Variants in COL26A1 observed in about 807,000 individuals in gnomAD.
COL26A1 encodes the protein collagen type XXVI alpha 1 chain, also known as collagen alpha-1(XXVI) chain.
COL26A1 carries 41 observed loss-of-function variants against 59.3 expected under a neutral mutation model. The observed-to-expected ratio is 0.69, with a 90% confidence interval of 0.54 to 0.90. COL26A1 has a LOEUF of 0.90. COL26A1 is among the 40% of genes least tolerant of loss of function. The pLI, the probability that COL26A1 is intolerant of heterozygous loss-of-function variation, is 0.00. For missense variants in COL26A1, 612 were observed against 602.3 expected (o/e 1.02, Z -0.17); for synonymous variants, 266 against 256.0 (o/e 1.04, Z -0.37).
chr7:101,400,510 C>T (rs61405479), intron 1 of COL26A1, among the ~76,000 whole-genome samples: 16,119 of 151,314 alleles, frequency 0.11, 1,431 homozygotes, highest in African/African-American at 0.25. Context: ...TGCAGGTGCC[C>T]GCCACCACTC....
chr7:101,392,114 A>G (rs1692653717), intron 1 of COL26A1, among the ~76,000 whole-genome samples: 1 of 152,102 alleles, frequency 6.6e-6, no homozygotes, highest in South Asian at 2.1e-4. Flanking sequence ...ATGGCTAAGG[A>G]AAGAGGTCAT....
intron 3 of COL26A1, among the ~76,000 whole-genome samples, chr7:101,486,246 A>G (rs1794266243): frequency 6.6e-6 from 1 of 152,022 alleles, no homozygotes; most frequent in Non-Finnish European, 1.5e-5. Context: ...CCCTCTGGGC[A>G]TAGTTGACCC....
intron 3 of COL26A1, among the ~76,000 whole-genome samples, chr7:101,466,371 C>T (rs547362180): frequency 6.6e-6 from 1 of 152,082 alleles, no homozygotes; most frequent in South Asian, 2.1e-4. Flanking sequence ...CTGTCATTCC[C>T]CGACCTGCCC....
chr7:101,440,971 G>A (rs1206795896), intron 2 of COL26A1, among the ~76,000 whole-genome samples: 1 of 126,518 alleles, frequency 7.9e-6, no homozygotes, highest in African/African-American at 4.0e-5. Context: ...GAGAGACTCC[G>A]TCTCAAAAAA....
intron 2 of COL26A1, among the ~76,000 whole-genome samples, chr7:101,438,659 G>T (rs1231113605): frequency 6.6e-6 from 1 of 151,284 alleles, no homozygotes; most frequent in Admixed American, 6.6e-5. Context: ...GCCCCCTTAA[G>T]TTCCCCTTTC....
At chr7:101,469,933 C>T (rs911766339) in intron 3 of COL26A1, among the ~76,000 whole-genome samples, 6 of 152,042 alleles carry the variant, frequency 3.9e-5, no homozygotes, top group East Asian at 1.9e-4. Context: ...CGTGAAGTGG[C>T]GTCGCTGTCT....
At chr7:101,548,917 G>A (rs764302991) in intron 8 of COL26A1, among the ~76,000 whole-genome samples, 2 of 152,278 alleles carry the variant, frequency 1.3e-5, no homozygotes, top group East Asian at 1.9e-4. Flanking sequence ...GCCGGGTCTC[G>A]GGATTGGGGC....
intron 1 of COL26A1, among the ~76,000 whole-genome samples, chr7:101,386,418 AT>A (rs1357187804): frequency 4.0e-5 from 6 of 151,780 alleles, no homozygotes; most frequent in African/African-American, 1.2e-4. Context: ...CACCTAGCTA[AT>A]TTTAATCTTT....
intron 1 of COL26A1, among the ~76,000 whole-genome samples, chr7:101,392,598 C>T (rs10266411): frequency 0.061 from 9,317 of 151,766 alleles, 655 homozygotes; most frequent in African/African-American, 0.16. Context: ...GATGGGGTTT[C>T]ACCACATTGG....
At chr7:101,401,567 A>G (rs1031349486) in intron 1 of COL26A1, among the ~76,000 whole-genome samples, 36 of 137,514 alleles carry the variant, frequency 2.6e-4, no homozygotes, top group African/African-American at 7.5e-4. Flanking sequence ...GGAAGAAGAG[A>G]AAGAGGAGGA....
chr7:101,409,569 A>G (rs1792197819), intron 1 of COL26A1, among the ~76,000 whole-genome samples: 1 of 151,528 alleles, frequency 6.6e-6, no homozygotes, highest in Non-Finnish European at 1.5e-5. Context: ...ATAGTTCTGG[A>G]AGCTGGAAGT....
At chr7:101,437,001 A>G (rs1023994560) in intron 2 of COL26A1, among the ~76,000 whole-genome samples, 3 of 151,944 alleles carry the variant, frequency 2.0e-5, no homozygotes, top group African/African-American at 7.3e-5. Flanking sequence ...GGCTTGAGCC[A>G]CTCCCAGACT....
At chr7:101,389,796 G>A (rs902513515) in intron 1 of COL26A1, among the ~76,000 whole-genome samples, 1 of 151,934 alleles carries the variant, frequency 6.6e-6, no homozygotes, top group Admixed American at 6.6e-5. Context: ...CAGGTGATCC[G>A]CCCATCTCGG....
intron 1 of COL26A1, among the ~76,000 whole-genome samples, chr7:101,411,432 G>A (rs2130241802): frequency 6.6e-6 from 1 of 152,200 alleles, no homozygotes; most frequent in Non-Finnish European, 1.5e-5. Context: ...GGCTGGGAGG[G>A]CAGGAGGGGC....
At chr7:101,490,885 G>A (rs1293073242) in intron 3 of COL26A1, among the ~76,000 whole-genome samples, 1 of 150,948 alleles carries the variant, frequency 6.6e-6, no homozygotes, top group African/African-American at 2.5e-5. Context: ...TGTAATCCCA[G>A]CTACTCAGGA....
intron 3 of COL26A1, among the ~76,000 whole-genome samples, chr7:101,500,053 C>T (rs1410156738): frequency 6.6e-6 from 1 of 152,148 alleles, no homozygotes; most frequent in Non-Finnish European, 1.5e-5. Context: ...AATTAGCTGT[C>T]TTGTTCTATG....
chr7:101,411,364 A>G (rs1309280547), intron 1 of COL26A1, among the ~76,000 whole-genome samples: 1 of 151,968 alleles, frequency 6.6e-6, no homozygotes, highest in African/African-American at 2.4e-5. Context: ...CGCGGGAGGG[A>G]CACGGCCACG....
intron 1 of COL26A1, among the ~76,000 whole-genome samples, chr7:101,417,428 T>C (rs1195277668): frequency 6.6e-6 from 1 of 151,342 alleles, no homozygotes; most frequent in Non-Finnish European, 1.5e-5. Flanking sequence ...TCACCAGTTT[T>C]TGAGGTCAGC....
intron 3 of COL26A1, among the ~76,000 whole-genome samples, chr7:101,531,783 T>G (rs1284394767): frequency 6.6e-6 from 1 of 152,090 alleles, no homozygotes; most frequent in Admixed American, 6.5e-5. Context: ...TTTGTTTTTT[T>G]TTTTAAGGAC....
Sources: allele counts gnomAD v4.1 joint callset (sites outside exome capture counted in the v4.1 genomes callset), GRCh38; gene constraint gnomAD v4.1.1; transcripts MANE v1.5; gene names NCBI Gene and HGNC (gene_info 2026-07-23, HGNC 2026-07-21).